The following GSTCD variants were observed in gnomAD, a reference collection of about 807,000 sequenced individuals.
GSTCD encodes the protein glutathione S-transferase C-terminal domain containing.
In GSTCD, 44 loss-of-function variants were observed where a neutral mutation model predicts 68.3. That is an observed-to-expected ratio of 0.64 (90% CI 0.51 to 0.83). The LOEUF (loss-of-function observed/expected upper bound fraction) is 0.83. Among genes scored for constraint, GSTCD ranks in the 40% least tolerant of loss-of-function variants. GSTCD has a pLI of 0.00. For synonymous variants in GSTCD, 273 were observed against 255.2 expected, an observed-to-expected ratio of 1.07 and a Z score of -0.67; for missense variants, 739 against 735.9, an observed-to-expected ratio of 1.00 and a Z score of -0.05.
intron 5 of GSTCD, among the ~76,000 whole-genome samples, chr4:105,805,208 A>C (rs1722440559): frequency 6.6e-6 from 1 of 152,124 alleles, no homozygotes; most frequent in South Asian, 2.1e-4. Flanking sequence ...GTTAAGATCA[A>C]GCCAGAAATC....
At chr4:105,766,990 A>G (rs894912767) in intron 5 of GSTCD, among the ~76,000 whole-genome samples, 4 of 148,998 alleles carry the variant, frequency 2.7e-5, no homozygotes, top group Non-Finnish European at 4.4e-5. Context: ...GCTTTGGACA[A>G]TTGAATTGCC....
At chr4:105,834,616 A>G (rs1365246075) in intron 9 of GSTCD, 22 bp downstream of exon 9, 5 of 1,610,040 alleles carry the variant, frequency 3.1e-6, no homozygotes, top group East Asian at 4.5e-5. Flanking sequence ...AGTGTTCTAC[A>G]TAAGACACCA....
intron 1 of GSTCD, among the ~76,000 whole-genome samples, chr4:105,716,767 A>G (rs983547329): frequency 6.6e-6 from 1 of 152,218 alleles, no homozygotes; most frequent in African/African-American, 2.4e-5. Flanking sequence ...TTTTAGAGGA[A>G]TAACAATCTA....
intron 5 of GSTCD, among the ~76,000 whole-genome samples, chr4:105,799,814 C>CA (rs5860815): frequency 0.26 from 29,730 of 116,280 alleles, 6,113 homozygotes; most frequent in African/African-American, 0.57. Flanking sequence ...CACAGCGTTG[C>CA]AAAAAAAAAA....
chr4:105,740,822 G>T (rs1578425729), intron 5 of GSTCD, among the ~76,000 whole-genome samples: 1 of 151,936 alleles, frequency 6.6e-6, no homozygotes, highest in Non-Finnish European at 1.5e-5. Flanking sequence ...TAAAGTCTGG[G>T]TCCCTATTAT....
chr4:105,831,258 C>T (rs1052385736), intron 8 of GSTCD, among the ~76,000 whole-genome samples: 6 of 152,082 alleles, frequency 3.9e-5, no homozygotes, highest in African/African-American at 1.4e-4. Context: ...AAAGCAACAC[C>T]GGAGAGAATG....
intron 8 of GSTCD, among the ~76,000 whole-genome samples, chr4:105,826,531 A>G (rs1723621684): frequency 6.6e-6 from 1 of 152,068 alleles, no homozygotes. Flanking sequence ...AATAACCTAT[A>G]TGCCTACTAT....
At chr4:105,792,681 G>A (rs1417801521) in intron 5 of GSTCD, among the ~76,000 whole-genome samples, 3 of 152,030 alleles carry the variant, frequency 2.0e-5, no homozygotes, top group Admixed American at 1.3e-4. Flanking sequence ...ATATCATGTT[G>A]AGTAGGGTTT....
chr4:105,752,184 GTCT>G (rs1182392011), intron 5 of GSTCD, among the ~76,000 whole-genome samples: 1 of 152,044 alleles, frequency 6.6e-6, no homozygotes. Flanking sequence ...AAACCAGATT[GTCT>G]TCTTAGGAAA....
At chr4:105,799,409 T>G (rs1736020827) in intron 5 of GSTCD, among the ~76,000 whole-genome samples, 1 of 152,152 alleles carries the variant, frequency 6.6e-6, no homozygotes, top group East Asian at 1.9e-4. Context: ...TCACTAACCT[T>G]AATAGTTCTA....
Position 105,789,701 on chromosome 4 carries a change from A to T in GSTCD, c.1241-33253A>T, listed in dbSNP as rs1735592007. ...CCATCCCCTTTACTATATTCTGCTC[A>T]TTTGAAGTGAGTCACTAGGTTCAGC... On this transcript the variant is annotated intron_variant, in intron 5 of 11. Transcript: ENST00000515279. Among the ~76,000 whole-genome samples, 2 of 151,964 alleles carry T rather than the reference A, an allele frequency of 1.3e-5. 1 individual carries two copies. The highest frequency in any genetic ancestry group is 4.8e-5 in the African/African-American group (2 of 41,270).
At chr4:105,718,842 AATG>A (rs1487899059) in intron 2 of GSTCD, among the ~76,000 whole-genome samples, 2 of 152,084 alleles carry the variant, frequency 1.3e-5, no homozygotes, top group Admixed American at 6.5e-5. Flanking sequence ...TTTGGGAAGT[AATG>A]ATTTATTTAG....
Position 105,842,045 on chromosome 4 carries a change from T to G in GSTCD, c.1696-20T>G. The G allele has an allele frequency of 6.3e-7, 1 of 1,599,638 alleles. No homozygotes were observed. ...GCAGAAGATAAAAATAAACCCACAT[T>G]CTATTGCTTTTTCTTTTAGGAACAC... On this transcript the variant is annotated intron_variant, in intron 10 of 11. Coordinates refer to ENST00000515279, the MANE Select transcript of GSTCD (RefSeq NM_001370181.1).
intron 3 of GSTCD, among the ~76,000 whole-genome samples, chr4:105,721,701 A>G (rs1732863011): frequency 6.6e-6 from 1 of 152,100 alleles, no homozygotes; most frequent in Non-Finnish European, 1.5e-5. Context: ...AAGGTATTAT[A>G]TATAAACCTG....
chr4:105,749,202 T>C lies in GSTCD; in HGVS notation c.1240+19703T>C, dbSNP rs185815957. Among the ~76,000 whole-genome samples, 644 of 152,106 alleles carry C rather than the reference T, an allele frequency of 4.2e-3. 7 individuals carry two copies. The highest frequency in any genetic ancestry group is 0.015 in the African/African-American group (603 of 41,568). On this transcript the variant is annotated intron_variant, in intron 5 of 11. Transcript: ENST00000515279. ...AAAAGAAACGTAAAATGCACAATTT[T>C]ATTATAATTGTATGATAATAATACA...
chr4:105,725,704 A>G (rs1420737753), intron 3 of GSTCD, among the ~76,000 whole-genome samples: 1 of 152,008 alleles, frequency 6.6e-6, no homozygotes, highest in Non-Finnish European at 1.5e-5. Flanking sequence ...TCCAATTTTT[A>G]TGCTATGAAA....
chr4:105,846,579 TTTCAA>T lies in GSTCD; in HGVS notation c.*1008_*1012del, dbSNP rs1724554193. The T allele has an allele frequency of 6.6e-6, 1 of 152,158 alleles. No homozygotes were observed. 9.4% of individuals were successfully genotyped at this position (152,158 alleles called of 1,614,324 possible). On this transcript the variant is annotated 3_prime_UTR_variant, in exon 12 of 12. Coordinates refer to ENST00000515279, the MANE Select transcript of GSTCD (RefSeq NM_001370181.1). The stretch of plus-strand genomic sequence containing the variant: ...TTTTCAAGACCTTGGCCTAGTTTCT[TTTCAA>T]TTCAAAGATGAGTTGCAAAAGACAT...
At chr4:105,744,683 T>C (rs960178372) in intron 5 of GSTCD, among the ~76,000 whole-genome samples, 4 of 152,200 alleles carry the variant, frequency 2.6e-5, no homozygotes, top group Admixed American at 6.5e-5. Flanking sequence ...ACTTCCTTCA[T>C]TTCTGGCATA....
intron 5 of GSTCD, among the ~76,000 whole-genome samples, chr4:105,777,754 T>A (rs1341505190): frequency 6.6e-6 from 1 of 152,208 alleles, no homozygotes; most frequent in African/African-American, 2.4e-5. Flanking sequence ...TAGTAATGAC[T>A]TCTGTATAGG....
Sources: gnomAD v4.1 joint callset for allele counts (sites outside exome capture counted in the v4.1 genomes callset) on GRCh38, gnomAD v4.1.1 for gene constraint, MANE v1.5 for transcripts, NCBI Gene and HGNC (gene_info 2026-07-23, HGNC 2026-07-21) for gene names.